Variants in ATF7IP2 observed in about 807,000 individuals in gnomAD.
ATF7IP2 encodes the protein activating transcription factor 7 interacting protein 2.
Under a neutral mutation model 64.2 loss-of-function variants are expected in ATF7IP2, and 42 were observed. The observed-to-expected ratio is 0.65, with a 90% CI of 0.51 to 0.85. The LOEUF (loss-of-function observed/expected upper bound fraction) is 0.85. Among genes scored for constraint, ATF7IP2 ranks in the 40% least tolerant of loss-of-function variants. The pLI is 0.00. For synonymous variants in ATF7IP2, 308 were observed against 272.8 expected, an observed-to-expected ratio of 1.13 and a Z score of -1.27; for missense variants, 933 against 784.2, an observed-to-expected ratio of 1.19 and a Z score of -2.27.
Position 10,438,026 on chromosome 16 carries a change from G to T in ATF7IP2, c.961-75G>T, listed in dbSNP as rs572087631. 8.5e-5 allele frequency: 102 copies of T among 1,194,248 alleles called. No individual in the cohort carries two copies. The Middle Eastern group carries it at 1.4e-3, about 17-fold the overall frequency. The allele number at this position is 1,194,248 out of a possible 1,614,324, so 74.0% of individuals were successfully genotyped here. On this transcript the variant is annotated intron_variant, in intron 6 of 13. Coordinates refer to ENST00000562102, the MANE Select transcript of ATF7IP2 (RefSeq NM_001393719.1). ...TACAGTAAATCTGGAAAAGAGCAAG[G>T]CTTTTTAAGTAGAAAGTAAAATTGC...
intron 12 of ATF7IP2, among the ~76,000 whole-genome samples, chr16:10,479,958 C>CTTTTTTTTTTTTTTTTTTT (rs201158427): frequency 2.5e-5 from 2 of 80,588 alleles, no homozygotes; most frequent in Non-Finnish European, 4.9e-5. Flanking sequence ...ACTGGAAATA[C>CTTTTTTTTTTTTTTTTTTT]TTTTTTTTTT....
chr16:10,472,813 G>T (rs961806112), intron 10 of ATF7IP2, among the ~76,000 whole-genome samples: 1 of 146,644 alleles, frequency 6.8e-6, no homozygotes, highest in East Asian at 2.0e-4. Context: ...CTGAGATCGT[G>T]CTACTGCACT....
intron 1 of ATF7IP2, among the ~76,000 whole-genome samples, chr16:10,392,408 T>G (rs1399583068): frequency 6.6e-6 from 1 of 151,756 alleles, no homozygotes; most frequent in African/African-American, 2.4e-5. Context: ...TGTTTGAGCC[T>G]TGGCCTCCCA....
chr16:10,432,138 A>G (rs2048280492), intron 5 of ATF7IP2, among the ~76,000 whole-genome samples: 1 of 151,864 alleles, frequency 6.6e-6, no homozygotes, highest in South Asian at 2.1e-4. Context: ...TGCCCAGCCA[A>G]CCCTATTTCT....
chr16:10,433,453 A>C (rs1212925372), intron 5 of ATF7IP2, 72 bp from the exon 6 acceptor site: 1 of 1,412,196 alleles, frequency 7.1e-7, no homozygotes, highest in African/African-American at 1.4e-5. Flanking sequence ...GGGATTACAG[A>C]CATGAGCCAC....
intron 5 of ATF7IP2, among the ~76,000 whole-genome samples, chr16:10,432,824 G>A (rs1596495404): frequency 6.6e-6 from 1 of 152,144 alleles, no homozygotes; most frequent in African/African-American, 2.4e-5. Flanking sequence ...GTTGCACTGA[G>A]CCAAGATCGT....
At chr16:10,395,854 G>A (rs1017311864) in intron 1 of ATF7IP2, among the ~76,000 whole-genome samples, 2 of 152,038 alleles carry the variant, frequency 1.3e-5, no homozygotes, top group Non-Finnish European at 2.9e-5. Flanking sequence ...TGCTAATTCA[G>A]GAACAAGATG....
chr16:10,424,105 G>A (rs558162800), intron 3 of ATF7IP2, among the ~76,000 whole-genome samples: 1 of 152,326 alleles, frequency 6.6e-6, no homozygotes, highest in South Asian at 2.1e-4. Context: ...TCTGCAGCAG[G>A]AACATGTCTT....
At chr16:10,412,010 GT>G (rs71133351) in intron 1 of ATF7IP2, among the ~76,000 whole-genome samples, 23,592 of 58,730 alleles carry the variant, frequency 0.4, 5,347 homozygotes, top group African/African-American at 0.58. Context: ...ATCTTTTTTT[GT>G]TTTTTTTTTT....
At chr16:10,396,818 TA>T (rs34457385) in intron 1 of ATF7IP2, among the ~76,000 whole-genome samples, 2 of 142,482 alleles carry the variant, frequency 1.4e-5, no homozygotes, top group African/African-American at 5.5e-5. Flanking sequence ...CCTGACTAAT[TA>T]AAAAAAAAAT....
chr16:10,393,393 G>T (rs932514816), intron 1 of ATF7IP2, among the ~76,000 whole-genome samples: 23 of 150,338 alleles, frequency 1.5e-4, no homozygotes, highest in African/African-American at 5.6e-4. Context: ...CAAAAGGCAT[G>T]AGACATAAGC....
intron 9 of ATF7IP2, among the ~76,000 whole-genome samples, chr16:10,460,015 G>A (rs985579185): frequency 1.3e-5 from 2 of 151,860 alleles, no homozygotes; most frequent in Non-Finnish European, 1.5e-5. Flanking sequence ...GTGATTGGGG[G>A]GTGTGTGTAT....
rs529645129 is a variant in ATF7IP2 at position 10,477,083 on chromosome 16, G to A, written c.1549+3094G>A. 2.1e-3 allele frequency among the ~76,000 whole-genome samples: 318 copies of A among 152,146 alleles called. 2 individuals are homozygous for A. Among genetic ancestry groups the A allele is most frequent in the African/African-American group, 7.4e-3 (308 of 41,530 alleles). On this transcript the variant is annotated intron_variant, in intron 12 of 13. Coordinates refer to ENST00000562102, the MANE Select transcript of ATF7IP2 (RefSeq NM_001393719.1). The stretch of plus-strand genomic sequence containing the variant: ...ATCGCCAAAACCAATTGCAACAAAA[G>A]CAAAAATCTACAAATGGGATCTAAT...
At position 10,431,018 on chromosome 16, in the gene ATF7IP2, A is replaced by C. The variant is rs971503184; in HGVS notation, c.398A>C (p.Glu133Ala). 29 of 1,614,080 alleles carry C rather than the reference A, an allele frequency of 1.8e-5. No individual in the cohort carries two copies. The highest frequency in any genetic ancestry group is 2.4e-5 in the Non-Finnish European group (28 of 1,180,048). ...TCCCCCAGCAGAGTCTTCACAGAAG[A>C]GGCAAAAGATTCACTGAACACTTCT... ...TESPSRVFTE[E>A]AKDSLNTSEN... The change falls in exon 5 of 14, where the codon GAG becomes GCG. Residue 133 changes from glutamate to alanine, a missense_variant. Transcript: ENST00000562102.
chr16:10,477,453 A>G (rs934121571), intron 12 of ATF7IP2, among the ~76,000 whole-genome samples: 3 of 152,166 alleles, frequency 2.0e-5, no homozygotes, highest in Admixed American at 1.3e-4. Flanking sequence ...CTCTCAATAA[A>G]TTAGGTATTG....
intron 8 of ATF7IP2, among the ~76,000 whole-genome samples, chr16:10,443,796 G>A (rs545490923): frequency 6.6e-6 from 1 of 152,262 alleles, no homozygotes; most frequent in Admixed American, 6.5e-5. Context: ...ACAGCCTAAG[G>A]TGGGCTTAGG....
chr16:10,411,610 C>G (rs764618030), intron 1 of ATF7IP2, among the ~76,000 whole-genome samples: 20 of 152,090 alleles, frequency 1.3e-4, no homozygotes, highest in Non-Finnish European at 2.5e-4. Context: ...CTCTGGTGAT[C>G]CACCCACCTT....
intron 6 of ATF7IP2, among the ~76,000 whole-genome samples, chr16:10,436,100 C>G (rs1357095776): frequency 6.6e-6 from 1 of 152,186 alleles, no homozygotes; most frequent in Non-Finnish European, 1.5e-5. Flanking sequence ...GTGGCTCACG[C>G]TTATAATCCT....
intron 8 of ATF7IP2, chr16:10,449,199 T>TG (rs1421004010): frequency 6.6e-6 from 1 of 152,210 alleles, no homozygotes; most frequent in East Asian, 1.9e-4. Context: ...GATGTGCTGC[T>TG]GGTTTCAGTT....
Sources: allele counts gnomAD v4.1 joint callset (sites outside exome capture counted in the v4.1 genomes callset), GRCh38; gene constraint gnomAD v4.1.1; transcripts MANE v1.5; gene names NCBI Gene and HGNC (gene_info 2026-07-23, HGNC 2026-07-21).